FSTL4: variants seen among roughly 807,000 people sequenced by gnomAD.
FSTL4 encodes follistatin-related protein 4.
A neutral mutation model predicts 78.2 loss-of-function variants in FSTL4; 28 were observed. The observed-to-expected ratio is 0.36, with a 90% CI of 0.27 to 0.49. The LOEUF is 0.49. FSTL4 is among the 20% of genes least tolerant of loss of function. FSTL4 has a pLI of 0.98. For missense variants in FSTL4, 922 were observed against 1,084.9 expected (o/e 0.85, Z 2.11); for synonymous variants, 422 against 440.5 (o/e 0.96, Z 0.53).
chr5:133,270,354 C>G (rs557989087), intron 6 of FSTL4, among the ~76,000 whole-genome samples: 36 of 152,136 alleles, frequency 2.4e-4, no homozygotes, highest in African/African-American at 8.7e-4. Context: ...TTGCGGAGAG[C>G]GTGTATTAGC....
At chr5:133,297,177 G>A (rs535060537) in intron 6 of FSTL4, among the ~76,000 whole-genome samples, 6 of 152,322 alleles carry the variant, frequency 3.9e-5, no homozygotes, top group South Asian at 4.1e-4. Context: ...GGTATCCTAC[G>A]TGCAGGATCT....
intron 4 of FSTL4, among the ~76,000 whole-genome samples, chr5:133,353,063 G>T (rs1415625327): frequency 6.6e-6 from 1 of 152,014 alleles, no homozygotes; most frequent in Admixed American, 6.6e-5. Flanking sequence ...CATTTAGTTG[G>T]TTCTTTTGGA....
chr5:133,601,328 A>G (rs1377057198), intron 2 of FSTL4, among the ~76,000 whole-genome samples: 3 of 152,268 alleles, frequency 2.0e-5, no homozygotes, highest in African/African-American at 7.2e-5. Context: ...GATAAATAAG[A>G]CAGGCTCCAT....
rs138354604 is a variant in FSTL4 at position 133,207,250 on chromosome 5, C to T, written c.1716+2941G>A. ...TTCTATGTTAATCACTCTTGTTTTACGTATTCGTTACGTTGTTTGTTTGAT... is the reference window on the plus strand; with the variant it reads ...TTCTATGTTAATCACTCTTGTTTTATGTATTCGTTACGTTGTTTGTTTGAT... On this transcript the variant is annotated intron_variant, in intron 14 of 15. Coordinates refer to ENST00000265342, the MANE Select transcript of FSTL4 (RefSeq NM_015082.2). Among the ~76,000 whole-genome samples, 777 of 152,260 alleles carry T rather than the reference C, an allele frequency of 5.1e-3. 6 individuals are homozygous for T. The highest frequency in any genetic ancestry group is 8.5e-3 in the Non-Finnish European group (580 of 68,010).
chr5:133,621,061 G>A, the FSTL4 span, among the ~76,000 whole-genome samples: 7 of 152,104 alleles, frequency 4.6e-5, no homozygotes, highest in Non-Finnish European at 8.8e-5. Context: ...AGAAACTGTC[G>A]TATATATACA....
chr5:133,580,525 A>C (rs1484991350), intron 2 of FSTL4, among the ~76,000 whole-genome samples: 1 of 152,258 alleles, frequency 6.6e-6, no homozygotes. Context: ...GGAAATGTAG[A>C]GAATATCTCA....
intron 3 of FSTL4, among the ~76,000 whole-genome samples, chr5:133,446,679 G>A (rs547696327): frequency 9.8e-5 from 15 of 152,310 alleles, no homozygotes; most frequent in Middle Eastern, 3.4e-3. Flanking sequence ...TCAGGCAGCC[G>A]TATTCCCACA....
At chr5:133,352,298 A>C (rs1754844373) in intron 4 of FSTL4, among the ~76,000 whole-genome samples, 2 of 139,312 alleles carry the variant, frequency 1.4e-5, no homozygotes, top group Non-Finnish European at 3.0e-5. Context: ...ATATATACAC[A>C]CACATATATA....
At chr5:133,549,334 G>A (rs946546096) in intron 3 of FSTL4, among the ~76,000 whole-genome samples, 2 of 151,866 alleles carry the variant, frequency 1.3e-5, no homozygotes, top group East Asian at 3.9e-4. Flanking sequence ...CTTCAGTTAT[G>A]CCCTGTTTGC....
chr5:133,444,612 G>T (rs1757223736), intron 3 of FSTL4, among the ~76,000 whole-genome samples: 1 of 152,218 alleles, frequency 6.6e-6, no homozygotes, highest in Admixed American at 6.5e-5. Flanking sequence ...GAGGCCTTGA[G>T]CTGCTGGGCC....
the FSTL4 span, among the ~76,000 whole-genome samples, chr5:133,803,543 C>A: frequency 6.6e-6 from 1 of 152,182 alleles, no homozygotes; most frequent in Non-Finnish European, 1.5e-5. Context: ...AGTCCCAGAC[C>A]GTCTCTCCTC....
rs1006404818 is a variant in FSTL4 at position 133,417,241 on chromosome 5, C to T, written c.161-16255G>A. 4.6e-5 allele frequency among the ~76,000 whole-genome samples: 7 copies of T among 150,972 alleles called. No homozygotes were observed. The South Asian group carries it at 6.3e-4, about 14-fold the overall frequency. ...TCTGAAATAAAGGATTAATGGGCTT[C>T]GATAAGATTAAGAGCTGACTGGACA... On this transcript the variant is annotated intron_variant, in intron 3 of 15. Coordinates refer to ENST00000265342, the MANE Select transcript of FSTL4 (RefSeq NM_015082.2).
the FSTL4 span, among the ~76,000 whole-genome samples, chr5:133,797,209 C>A: frequency 6.6e-6 from 1 of 152,186 alleles, no homozygotes; most frequent in South Asian, 2.1e-4. Flanking sequence ...AGACATAAAT[C>A]AATACATGGA....
intron 14 of FSTL4, among the ~76,000 whole-genome samples, chr5:133,208,807 A>G (rs1034096410): frequency 6.6e-6 from 1 of 152,082 alleles, no homozygotes; most frequent in African/African-American, 2.4e-5. Flanking sequence ...AGTAGCTGGG[A>G]CTACAGCTGT....
At chr5:133,666,697 T>G in the FSTL4 span, among the ~76,000 whole-genome samples, 2 of 152,220 alleles carry the variant, frequency 1.3e-5, no homozygotes, top group African/African-American at 4.8e-5. Flanking sequence ...TTCTCCACTC[T>G]GAAAAAGCAA....
chr5:133,352,044 T>A (rs1410188938), intron 4 of FSTL4, among the ~76,000 whole-genome samples: 1 of 152,082 alleles, frequency 6.6e-6, no homozygotes, highest in Non-Finnish European at 1.5e-5. Flanking sequence ...TGCTTTTTTT[T>A]GTTGTTCTCA....
At chr5:133,258,620 C>T (rs957897960) in intron 6 of FSTL4, among the ~76,000 whole-genome samples, 1 of 152,178 alleles carries the variant, frequency 6.6e-6, no homozygotes, top group East Asian at 1.9e-4. Flanking sequence ...GCTCTCCTCT[C>T]CTCGTCTTTG....
intron 4 of FSTL4, among the ~76,000 whole-genome samples, chr5:133,320,652 A>G (rs372247141): frequency 7.2e-5 from 11 of 152,290 alleles, no homozygotes; most frequent in African/African-American, 2.6e-4. Flanking sequence ...CACGTAGTCC[A>G]GCCCTCGTCT....
At chr5:133,705,527 T>G in the FSTL4 span, among the ~76,000 whole-genome samples, 1 of 152,164 alleles carries the variant, frequency 6.6e-6, no homozygotes, top group Non-Finnish European at 1.5e-5. Context: ...GCTCTGGGGC[T>G]GCCTCAGTTG....
Sources: gnomAD v4.1 joint callset for allele counts (sites outside exome capture counted in the v4.1 genomes callset) on GRCh38, gnomAD v4.1.1 for gene constraint, MANE v1.5 for transcripts, NCBI Gene and HGNC (gene_info 2026-07-23, HGNC 2026-07-21) for gene names.